MGAT4C: variants seen among roughly 807,000 people sequenced by gnomAD.
The protein encoded by MGAT4C is MGAT4 family member C.
A neutral mutation model predicts 40.1 loss-of-function variants in MGAT4C; 19 were observed. That is an observed-to-expected ratio of 0.47 (90% CI 0.33 to 0.70). MGAT4C has a LOEUF of 0.70. Ranked by LOEUF, MGAT4C falls within the 30% of genes least tolerant of loss-of-function variation. The probability of loss-of-function intolerance (pLI) is 0.02; values close to 1 mark genes in which losing one functional copy is unlikely to be tolerated. For missense variants in MGAT4C, 491 were observed against 563.2 expected (o/e 0.87, Z 1.30); for synonymous variants, 181 against 187.1 (o/e 0.97, Z 0.27).
At chr12:86,068,565 TTA>T (rs1248844778) in intron 1 of MGAT4C, 1 of 148,174 alleles carries the variant, frequency 6.7e-6, no homozygotes, top group Non-Finnish European at 1.5e-5. Context: ...ATAAGTATAT[TTA>T]TATGTTATAA....
chr12:86,134,411 G>C (rs775211449), intron 1 of MGAT4C, among the ~76,000 whole-genome samples: 59 of 152,034 alleles, frequency 3.9e-4, no homozygotes, highest in Admixed American at 3.2e-3. Context: ...ATTATAAAAA[G>C]GTTTGTTTGG....
chr12:86,263,855 A>G (rs942202492), intron 4 of MGAT4C, among the ~76,000 whole-genome samples: 3 of 152,170 alleles, frequency 2.0e-5, no homozygotes, highest in African/African-American at 7.2e-5. Flanking sequence ...TTGTCTTTCT[A>G]ATAGCCATTT....
intron 1 of MGAT4C, among the ~76,000 whole-genome samples, chr12:86,769,186 A>C (rs968670691): frequency 1.3e-5 from 2 of 152,100 alleles, no homozygotes; most frequent in African/African-American, 4.8e-5. Context: ...AAAACAAAAA[A>C]CCCCATAAAA....
chr12:86,508,993 TC>T (rs1377349110), intron 2 of MGAT4C, among the ~76,000 whole-genome samples: 9 of 152,092 alleles, frequency 5.9e-5, no homozygotes, highest in Admixed American at 3.3e-4. Flanking sequence ...GCGAAAATTT[TC>T]TCCCATTTTG....
intron 1 of MGAT4C, among the ~76,000 whole-genome samples, chr12:86,251,790 C>T (rs2136077314): frequency 6.6e-6 from 1 of 152,006 alleles, no homozygotes; most frequent in Non-Finnish European, 1.5e-5. Flanking sequence ...AGGTAGAGAG[C>T]CACTTACTTG....
rs559630993 is a variant in MGAT4C at position 85,979,559 on chromosome 12, T to A, written c.1167A>T (p.Ile389=). The part of the protein sequence containing the change: ...FVIVFENPII[I]KKIKVNTGTE... ...TTCCAGTATTTACTTTAATTTTTTT[T>A]ATTATAATTGGATTTTCAAATACAA... is the stretch of plus-strand genomic sequence containing the variant. Residue 389 remains isoleucine, a synonymous_variant, in exon 5 of 5, where the codon ATA becomes ATT. Coordinates refer to ENST00000611864, the MANE Select transcript of MGAT4C (RefSeq NM_001351288.2). 45 of 1,608,422 alleles carry A rather than the reference T, an allele frequency of 2.8e-5. No individual in the cohort carries two copies. Among genetic ancestry groups the A allele is most frequent in the Middle Eastern group, 1.7e-4 (1 of 6,052 alleles).
At chr12:86,485,751 C>A (rs1318408102) in intron 2 of MGAT4C, among the ~76,000 whole-genome samples, 2 of 151,986 alleles carry the variant, frequency 1.3e-5, no homozygotes, top group African/African-American at 2.4e-5. Context: ...CTATATAAGA[C>A]AACAACCTCC....
intron 1 of MGAT4C, among the ~76,000 whole-genome samples, chr12:86,181,018 G>A (rs1192106572): frequency 1.3e-5 from 2 of 152,166 alleles, no homozygotes; most frequent in African/African-American, 4.8e-5. Context: ...CGTGTTGCAA[G>A]AGGGACCCAG....
At chr12:86,221,468 C>A (rs1950874880) in intron 1 of MGAT4C, among the ~76,000 whole-genome samples, 1 of 152,056 alleles carries the variant, frequency 6.6e-6, no homozygotes, top group African/African-American at 2.4e-5. Context: ...TAGCATCATG[C>A]CCAAGGATTT....
chr12:86,204,787 A>C (rs1278655382), intron 1 of MGAT4C, among the ~76,000 whole-genome samples: 18 of 152,142 alleles, frequency 1.2e-4, no homozygotes, highest in Admixed American at 1.2e-3. Flanking sequence ...AAGATATGTC[A>C]ACATATGTAA....
In MGAT4C at chr12:86,635,602, T is replaced by C. The variant is rs998424198; in HGVS notation, c.-229+91607A>G. The stretch of plus-strand genomic sequence containing the variant: ...AGTAAAAAATGGACCAGATATACCA[T>C]GGTAGTTCCATAAGATTATAATACC... On this transcript the variant is annotated intron_variant, in intron 2 of 7. Transcript: ENST00000548651. Among the ~76,000 whole-genome samples the C allele has an allele frequency of 3.9e-5, 6 of 152,122 alleles. No homozygotes were observed. The South Asian group carries it at 8.3e-4, about 21-fold the overall frequency.
chr12:86,362,462 T>C (rs1300061436), intron 3 of MGAT4C, among the ~76,000 whole-genome samples: 1 of 142,104 alleles, frequency 7.0e-6, no homozygotes, highest in Non-Finnish European at 1.5e-5. Flanking sequence ...ATTGTGCACA[T>C]GTACCCTAGA....
intron 3 of MGAT4C, among the ~76,000 whole-genome samples, chr12:86,420,387 G>T (rs1956797235): frequency 1.3e-5 from 2 of 151,594 alleles, no homozygotes; most frequent in African/African-American, 2.4e-5. Context: ...GTCTCAAAAA[G>T]AAAATTAAAA....
intron 2 of MGAT4C, among the ~76,000 whole-genome samples, chr12:86,484,543 C>T (rs1468367090): frequency 6.6e-6 from 1 of 152,164 alleles, no homozygotes; most frequent in Non-Finnish European, 1.5e-5. Flanking sequence ...TGTCTGATCT[C>T]GAGGGGCAAA....
intron 1 of MGAT4C, among the ~76,000 whole-genome samples, chr12:86,779,994 T>C (rs1167583731): frequency 1.3e-5 from 2 of 151,828 alleles, no homozygotes; most frequent in African/African-American, 4.8e-5. Flanking sequence ...TTTTGAAGGT[T>C]GGCCAAAATT....
chr12:86,570,368 T>TG (rs1960313250), intron 2 of MGAT4C, among the ~76,000 whole-genome samples: 2 of 152,146 alleles, frequency 1.3e-5, no homozygotes, highest in South Asian at 4.1e-4. Context: ...CAGAAAGGTA[T>TG]GAGAGTCTCA....
intron 2 of MGAT4C, among the ~76,000 whole-genome samples, chr12:86,492,792 T>C (rs1958163878): frequency 1.3e-5 from 2 of 152,014 alleles, no homozygotes; most frequent in South Asian, 4.1e-4. Flanking sequence ...CGAAAATTGA[T>C]AAATGGGATC....
intron 3 of MGAT4C, among the ~76,000 whole-genome samples, chr12:86,358,677 C>T (rs1394868804): frequency 6.6e-6 from 1 of 152,126 alleles, no homozygotes; most frequent in Non-Finnish European, 1.5e-5. Context: ...GGTTGCAATC[C>T]TAGTCTCTGA....
At chr12:86,442,454 T>TG (rs1296350837) in intron 2 of MGAT4C, among the ~76,000 whole-genome samples, 3 of 152,152 alleles carry the variant, frequency 2.0e-5, no homozygotes, top group African/African-American at 7.2e-5. Context: ...ACTAAGTTTT[T>TG]TTCTAGGGTT....
Sources: allele counts gnomAD v4.1 joint callset (sites outside exome capture counted in the v4.1 genomes callset), GRCh38; gene constraint gnomAD v4.1.1; transcripts MANE v1.5; gene names NCBI Gene and HGNC (gene_info 2026-07-23, HGNC 2026-07-21).